TCF4: variants seen among roughly 807,000 people sequenced by gnomAD.
TCF4 encodes the protein transcription factor 4.
TCF4 carries 3 observed loss-of-function variants against 82.1 expected under a neutral mutation model. The ratio of observed to expected loss-of-function variants is 0.04; its 90% CI spans 0.02 to 0.09. TCF4 has a LOEUF of 0.09. Among genes scored for constraint, TCF4 ranks in the 10% least tolerant of loss-of-function variants. The pLI is 1.00. For synonymous variants in TCF4, 276 were observed against 309.6 expected (o/e 0.89, Z 1.14); for missense variants, 518 against 852.7 (o/e 0.61, Z 4.89).
intron 3 of TCF4, among the ~76,000 whole-genome samples, chr18:55,537,630 C>T (rs2097128507): frequency 6.6e-6 from 1 of 152,074 alleles, no homozygotes; most frequent in Non-Finnish European, 1.5e-5. Flanking sequence ...CTGCTAAAGA[C>T]TGCCATTCCT....
chr18:55,622,583 T>G (rs952008824), intron 2 of TCF4, among the ~76,000 whole-genome samples: 2 of 152,014 alleles, frequency 1.3e-5, no homozygotes, highest in African/African-American at 4.8e-5. Flanking sequence ...GCATCCATTT[T>G]CAGAGTTGGA....
chr18:55,579,855 CA>C (rs1209579643), intron 3 of TCF4, among the ~76,000 whole-genome samples: 1 of 151,802 alleles, frequency 6.6e-6, no homozygotes, highest in Non-Finnish European at 1.5e-5. Flanking sequence ...CAGATGAAAG[CA>C]AAAAGGAATA....
chr18:55,574,828 G>A (rs2097512634), intron 3 of TCF4, among the ~76,000 whole-genome samples: 1 of 151,268 alleles, frequency 6.6e-6, no homozygotes, highest in Admixed American at 6.6e-5. Flanking sequence ...ATGAATGAAT[G>A]AGTGGACGAA....
chr18:55,519,557 T>C (rs2096916196), intron 3 of TCF4, among the ~76,000 whole-genome samples: 1 of 151,986 alleles, frequency 6.6e-6, no homozygotes, highest in Non-Finnish European at 1.5e-5. Context: ...CTTTGGCAAA[T>C]TTGAGAAATA....
intron 3 of TCF4, among the ~76,000 whole-genome samples, chr18:55,486,097 TTGTACC>T (rs1307747148): frequency 6.6e-6 from 1 of 152,220 alleles, no homozygotes; most frequent in Non-Finnish European, 1.5e-5. Context: ...ACCTTTCTGT[TTGTACC>T]TCTTCAAATA....
intron 8 of TCF4, chr18:55,321,836 C>A: frequency 6.7e-7 from 1 of 1,489,552 alleles, no homozygotes; most frequent in Non-Finnish European, 8.9e-7. Flanking sequence ...TTGCATTTTC[C>A]CATATGGCCG....
At chr18:55,559,310 A>T (rs1475735041) in intron 3 of TCF4, among the ~76,000 whole-genome samples, 1 of 152,072 alleles carries the variant, frequency 6.6e-6, no homozygotes, top group Non-Finnish European at 1.5e-5. Flanking sequence ...AGCAGAACAG[A>T]ACTGTAGGTA....
At chr18:55,485,268 A>G (rs1603549151) in intron 3 of TCF4, among the ~76,000 whole-genome samples, 1 of 152,220 alleles carries the variant, frequency 6.6e-6, no homozygotes, top group African/African-American at 2.4e-5. Flanking sequence ...GTTTAAGTCC[A>G]TTTGAGTCAG....
chr18:55,451,306 G>GT (rs1196614371), intron 5 of TCF4, among the ~76,000 whole-genome samples: 6 of 152,296 alleles, frequency 3.9e-5, no homozygotes, highest in Middle Eastern at 3.4e-3. Context: ...ATTACAAAGT[G>GT]TATCACATCA....
intron 3 of TCF4, among the ~76,000 whole-genome samples, chr18:55,583,391 G>T (rs1288680221): frequency 6.6e-6 from 1 of 152,022 alleles, no homozygotes; most frequent in Non-Finnish European, 1.5e-5. Context: ...TCAGAACTGT[G>T]TAAGTGTTGA....
intron 2 of TCF4, among the ~76,000 whole-genome samples, chr18:55,597,266 A>G (rs543300572): frequency 4.6e-5 from 7 of 152,342 alleles, no homozygotes; most frequent in African/African-American, 1.7e-4. Flanking sequence ...TTGCTTTGCT[A>G]GCAAGGGTAT....
intron 3 of TCF4, among the ~76,000 whole-genome samples, chr18:55,502,456 A>G (rs550027721): frequency 6.6e-6 from 1 of 152,202 alleles, no homozygotes; most frequent in Non-Finnish European, 1.5e-5. Flanking sequence ...ACAATGCAGC[A>G]TAGTAAAGGA....
At chr18:55,623,105 G>A (rs2097723150) in intron 2 of TCF4, among the ~76,000 whole-genome samples, 1 of 151,998 alleles carries the variant, frequency 6.6e-6, no homozygotes, top group South Asian at 2.1e-4. Flanking sequence ...GTTAAATTTT[G>A]GTCTGAAATA....
intron 3 of TCF4, among the ~76,000 whole-genome samples, chr18:55,543,935 T>C (rs1043990383): frequency 2.0e-5 from 3 of 152,162 alleles, no homozygotes; most frequent in African/African-American, 7.2e-5. Context: ...GGTAAGTTTT[T>C]TTTTCCTTTC....
At chr18:55,282,504 C>T (rs928133078) in intron 8 of TCF4, among the ~76,000 whole-genome samples, 3 of 152,032 alleles carry the variant, frequency 2.0e-5, no homozygotes, top group Admixed American at 1.3e-4. Context: ...CTCAATCAAG[C>T]TTTCAAAGTA....
At chr18:55,320,016 T>C (rs767826978) in intron 8 of TCF4, among the ~76,000 whole-genome samples, 1 of 152,192 alleles carries the variant, frequency 6.6e-6, no homozygotes, top group Non-Finnish European at 1.5e-5. Context: ...TCCCTGAATC[T>C]GCTTCAGAGA....
chr18:55,399,927 A>C (rs1011395730), intron 6 of TCF4, among the ~76,000 whole-genome samples: 6 of 138,182 alleles, frequency 4.3e-5, no homozygotes, highest in East Asian at 4.3e-4. Context: ...CACACACACA[A>C]TACTAAAAAT....
chr18:55,498,088 T>C (rs573345073), intron 3 of TCF4, among the ~76,000 whole-genome samples: 1 of 152,342 alleles, frequency 6.6e-6, no homozygotes, highest in South Asian at 2.1e-4. Flanking sequence ...CCTGGGAGTC[T>C]ACACCAAGAT....
chr18:55,500,273 G>A (rs925516281), intron 3 of TCF4, among the ~76,000 whole-genome samples: 2 of 152,276 alleles, frequency 1.3e-5, no homozygotes, highest in African/African-American at 4.8e-5. Context: ...CCCCTAACTC[G>A]ATTGCCAACA....
Sources: gnomAD v4.1 joint callset for allele counts (sites outside exome capture counted in the v4.1 genomes callset) on GRCh38, gnomAD v4.1.1 for gene constraint, MANE v1.5 for transcripts, NCBI Gene and HGNC (gene_info 2026-07-23, HGNC 2026-07-21) for gene names.